The following AGFG1 variants were observed in gnomAD, a reference collection of about 807,000 sequenced individuals.
AGFG1 encodes arf-GAP domain and FG repeat-containing protein 1.
AGFG1 carries 10 observed loss-of-function variants against 60.6 expected under a neutral mutation model. That is an observed-to-expected ratio of 0.16 (90% CI 0.10 to 0.28). The LOEUF (loss-of-function observed/expected upper bound fraction) is 0.28, where lower values mean the gene tolerates loss of function less well. Ranked by LOEUF, AGFG1 falls within the 10% of genes least tolerant of loss-of-function variation. The pLI is 1.00. For synonymous variants in AGFG1, 247 were observed against 242.9 expected (o/e 1.02, Z -0.16); for missense variants, 537 against 676.5 (o/e 0.79, Z 2.29).
intron 2 of AGFG1, among the ~76,000 whole-genome samples, chr2:227,500,183 G>A (rs1691111902): frequency 6.6e-6 from 1 of 152,198 alleles, no homozygotes; most frequent in Admixed American, 6.6e-5. Flanking sequence ...GGTAGTAGTA[G>A]CCAAAGGCCA....
At position 227,558,680 on chromosome 2, in the gene AGFG1, T is replaced by C. The variant is rs1216311455; in HGVS notation, c.*4185T>C. 1 of 152,216 alleles carries C rather than the reference T, an allele frequency of 6.6e-6. No individual in the cohort carries two copies. The highest frequency in any genetic ancestry group is 2.4e-5 in the African/African-American group (1 of 41,464). The allele number at this position is 152,216 out of a possible 1,614,324, so 9.4% of individuals were successfully genotyped here. On this transcript the variant is annotated 3_prime_UTR_variant, in exon 13 of 13. Transcript: ENST00000310078. The stretch of plus-strand genomic sequence containing the variant: ...GGTTGTTTGTGAACAGATGAATATA[T>C]AACCACGATGTAATCCAGTGTTGTG...
chr2:227,529,923 AT>A (rs1466177210), intron 5 of AGFG1, among the ~76,000 whole-genome samples: 3 of 151,360 alleles, frequency 2.0e-5, no homozygotes, highest in African/African-American at 7.3e-5. Context: ...CTTTTTGTTT[AT>A]TGTGAAGTGC....
intron 1 of AGFG1, among the ~76,000 whole-genome samples, chr2:227,476,250 G>A (rs1690277741): frequency 2.0e-5 from 3 of 152,098 alleles, no homozygotes; most frequent in Admixed American, 2.0e-4. Context: ...TGTCTTTCTG[G>A]TTGTATTTAT....
intron 1 of AGFG1, 142 bp downstream of exon 1, chr2:227,472,730 C>G (rs1302673230): frequency 1.0e-6 from 1 of 971,032 alleles, no homozygotes; most frequent in Non-Finnish European, 1.4e-6. Context: ...CGCCGGCTGG[C>G]GGGCGCGGCG....
At chr2:227,484,289 A>G (rs1690554820) in intron 1 of AGFG1, among the ~76,000 whole-genome samples, 1 of 151,928 alleles carries the variant, frequency 6.6e-6, no homozygotes, top group African/African-American at 2.4e-5. Flanking sequence ...CCCAGGTTCA[A>G]GTGATTCTGC....
chr2:227,541,203 A>G (rs1376536319), intron 10 of AGFG1, among the ~76,000 whole-genome samples: 1 of 151,760 alleles, frequency 6.6e-6, no homozygotes, highest in East Asian at 1.9e-4. Flanking sequence ...GTTTAATTAG[A>G]TCTCATTTGT....
intron 2 of AGFG1, among the ~76,000 whole-genome samples, chr2:227,512,037 T>C (rs1394121088): frequency 6.6e-6 from 1 of 152,164 alleles, no homozygotes; most frequent in Non-Finnish European, 1.5e-5. Context: ...ATAAGGTAGT[T>C]TGTGCTTAAA....
At chr2:227,531,325 G>T in intron 6 of AGFG1, 115 bp downstream of exon 6, 1 of 1,224,346 alleles carries the variant, frequency 8.2e-7, no homozygotes, top group Non-Finnish European at 1.1e-6. Context: ...ACTTTAAAAT[G>T]GTTCTATCTT....
chr2:227,548,546 G>T (rs995124659), intron 10 of AGFG1, among the ~76,000 whole-genome samples: 4 of 152,156 alleles, frequency 2.6e-5, no homozygotes, highest in African/African-American at 9.7e-5. Flanking sequence ...GTGGAAAAGT[G>T]TTCTATGTCT....
chr2:227,480,303 A>T (rs1184821066), intron 1 of AGFG1, among the ~76,000 whole-genome samples: 1 of 152,190 alleles, frequency 6.6e-6, no homozygotes, highest in African/African-American at 2.4e-5. Flanking sequence ...CAGTGTTTGT[A>T]AGTTATGGAG....
intron 8 of AGFG1, among the ~76,000 whole-genome samples, chr2:227,535,359 T>C (rs1356758980): frequency 6.6e-6 from 1 of 152,190 alleles, no homozygotes; most frequent in East Asian, 1.9e-4. Context: ...ACTTTAAAAA[T>C]AGTTTTTAGT....
intron 10 of AGFG1, among the ~76,000 whole-genome samples, chr2:227,542,343 C>T (rs1363221063): frequency 6.6e-6 from 1 of 152,098 alleles, no homozygotes; most frequent in African/African-American, 2.4e-5. Flanking sequence ...CCATCAATAC[C>T]TAGTTTATTG....
intron 2 of AGFG1, among the ~76,000 whole-genome samples, chr2:227,494,979 ATACT>A (rs1690933837): frequency 6.6e-6 from 1 of 152,228 alleles, no homozygotes; most frequent in South Asian, 2.1e-4. Context: ...CATAGAGACC[ATACT>A]TACAGAGTAG....
intron 11 of AGFG1, 60 bp downstream of exon 11, chr2:227,552,177 T>G: frequency 6.3e-7 from 1 of 1,587,212 alleles, no homozygotes; most frequent in Non-Finnish European, 8.6e-7. Context: ...TATATCATAA[T>G]GTTGTGTGCT....
rs869114764 is a variant in AGFG1 at position 227,497,735 on chromosome 2, G to GTTTTTTTTTTTTTTTT, written c.261+6106_261+6121dup. ...GCCAAATGAGTTTCTTTCTTGTTTT[G>GTTTTTTTTTTTTTTTT]TTTTTTTTTTTTTTTTTTTTTTTTT... On this transcript the variant is annotated intron_variant, in intron 2 of 12. Coordinates refer to ENST00000310078, the MANE Select transcript of AGFG1 (RefSeq NM_004504.5). 1.4e-4 allele frequency among the ~76,000 whole-genome samples: 4 copies of GTTTTTTTTTTTTTTTT among 28,016 alleles called. 1 individual carries two copies. Among genetic ancestry groups the GTTTTTTTTTTTTTTTT allele is most frequent in the Non-Finnish European group, 2.1e-4 (3 of 14,030 alleles). The allele number at this position is 28,016 out of a possible 152,430, so 18.4% of individuals were successfully genotyped here. A position where few individuals can be genotyped will look rare whatever the true frequency, so the allele number is the denominator to read the frequency against.
At chr2:227,481,359 T>G (rs1174279275) in intron 1 of AGFG1, among the ~76,000 whole-genome samples, 1 of 152,110 alleles carries the variant, frequency 6.6e-6, no homozygotes, top group Non-Finnish European at 1.5e-5. Flanking sequence ...TTTAAAACTT[T>G]CCTTCAGACT....
At chr2:227,543,309 T>C (rs1692548803) in intron 10 of AGFG1, among the ~76,000 whole-genome samples, 1 of 152,242 alleles carries the variant, frequency 6.6e-6, no homozygotes, top group African/African-American at 2.4e-5. Flanking sequence ...TAAATTTTCC[T>C]CTACACACTG....
chr2:227,485,016 G>GT (rs1690583615), intron 1 of AGFG1, among the ~76,000 whole-genome samples: 2 of 151,792 alleles, frequency 1.3e-5, no homozygotes, highest in South Asian at 4.2e-4. Flanking sequence ...AGCCTAGTGG[G>GT]TTTTTTTGTT....
At chr2:227,499,505 T>G (rs1420758665) in intron 2 of AGFG1, among the ~76,000 whole-genome samples, 1 of 151,982 alleles carries the variant, frequency 6.6e-6, no homozygotes, top group African/African-American at 2.4e-5. Context: ...CTGGGCGTGG[T>G]GGCGTGTGCC....
Sources: gnomAD v4.1 joint callset for allele counts (sites outside exome capture counted in the v4.1 genomes callset) on GRCh38, gnomAD v4.1.1 for gene constraint, MANE v1.5 for transcripts, NCBI Gene and HGNC (gene_info 2026-07-23, HGNC 2026-07-21) for gene names.